Variants in HS3ST4 observed in about 807,000 individuals in gnomAD.
HS3ST4 encodes heparan sulfate-glucosamine 3-sulfotransferase 4, also known as heparan sulfate glucosamine 3-O-sulfotransferase 4.
HS3ST4 carries 17 observed loss-of-function variants against 29.2 expected under a neutral mutation model. That is an observed-to-expected ratio of 0.58 (90% CI 0.40 to 0.87). The LOEUF is 0.87. HS3ST4 is among the 40% of genes least tolerant of loss of function. The pLI is 0.00. For missense variants in HS3ST4, 627 were observed against 634.5 expected (o/e 0.99, Z 0.13); for synonymous variants, 314 against 285.7 (o/e 1.10, Z -1.00).
intron 1 of HS3ST4, among the ~76,000 whole-genome samples, chr16:25,834,901 C>T (rs146547694): frequency 0.022 from 3,327 of 152,112 alleles, 122 homozygotes; most frequent in African/African-American, 0.075. Context: ...GAGCTGAGAT[C>T]GCACCACTGC....
chr16:25,789,985 G>A (rs1966865284), intron 1 of HS3ST4, among the ~76,000 whole-genome samples: 1 of 152,146 alleles, frequency 6.6e-6, no homozygotes, highest in African/African-American at 2.4e-5. Context: ...TGCTTAGAAT[G>A]CTTCTAGGTT....
At chr16:25,877,387 C>G (rs1460199482) in intron 1 of HS3ST4, among the ~76,000 whole-genome samples, 1 of 152,148 alleles carries the variant, frequency 6.6e-6, no homozygotes, top group Non-Finnish European at 1.5e-5. Context: ...AGACACATAG[C>G]AAAGATTTTA....
At chr16:25,928,067 G>A (rs2141686101) in intron 1 of HS3ST4, among the ~76,000 whole-genome samples, 1 of 147,830 alleles carries the variant, frequency 6.8e-6, no homozygotes, top group Admixed American at 6.8e-5. Flanking sequence ...AAGGTAGCCA[G>A]GCATGCCGGT....
At chr16:25,743,480 G>T (rs1219681281) in intron 1 of HS3ST4, among the ~76,000 whole-genome samples, 1 of 152,070 alleles carries the variant, frequency 6.6e-6, no homozygotes, top group Non-Finnish European at 1.5e-5. Context: ...ATTGCATAAG[G>T]CAGCTTACTT....
At chr16:25,867,521 A>G (rs1967708601) in intron 1 of HS3ST4, among the ~76,000 whole-genome samples, 1 of 152,168 alleles carries the variant, frequency 6.6e-6, no homozygotes, top group Non-Finnish European at 1.5e-5. Context: ...AATGCCATCC[A>G]TCTGTTTTAA....
chr16:26,035,474 G>A (rs1332544449), intron 1 of HS3ST4, among the ~76,000 whole-genome samples: 2 of 152,164 alleles, frequency 1.3e-5, no homozygotes, highest in African/African-American at 4.8e-5. Context: ...GCTAAAGCTG[G>A]TTCTCTTTCA....
At chr16:26,101,870 C>A (rs1459983048) in intron 1 of HS3ST4, among the ~76,000 whole-genome samples, 1 of 152,090 alleles carries the variant, frequency 6.6e-6, no homozygotes, top group African/African-American at 2.4e-5. Context: ...CTCCCTTCCC[C>A]CATCTTCTCT....
intron 1 of HS3ST4, among the ~76,000 whole-genome samples, chr16:26,079,701 C>G (rs1056513811): frequency 6.6e-6 from 1 of 152,182 alleles, no homozygotes; most frequent in African/African-American, 2.4e-5. Flanking sequence ...GGCAGAACCT[C>G]TGCTGCTATA....
chr16:25,738,087 G>A (rs1157003379), intron 1 of HS3ST4, among the ~76,000 whole-genome samples: 1 of 152,082 alleles, frequency 6.6e-6, no homozygotes, highest in East Asian at 1.9e-4. Context: ...TGTATTTTTA[G>A]TAGAGATGGG....
chr16:25,862,356 CTAATTTTTG>C (rs1318983575), intron 1 of HS3ST4, among the ~76,000 whole-genome samples: 1 of 152,118 alleles, frequency 6.6e-6, no homozygotes, highest in Non-Finnish European at 1.5e-5. Context: ...CCATGCCTGG[CTAATTTTTG>C]TAGTTTTAGT....
chr16:25,852,358 T>C (rs1967530396), intron 1 of HS3ST4, among the ~76,000 whole-genome samples: 2 of 152,174 alleles, frequency 1.3e-5, no homozygotes, highest in African/African-American at 2.4e-5. Context: ...GTTTGTTACA[T>C]AGGTCAACGT....
intron 1 of HS3ST4, among the ~76,000 whole-genome samples, chr16:25,955,884 G>A (rs1221915888): frequency 2.7e-5 from 4 of 150,116 alleles, no homozygotes; most frequent in Non-Finnish European, 4.4e-5. Flanking sequence ...GTGCGATCTC[G>A]GCTCACTGCA....
intron 1 of HS3ST4, among the ~76,000 whole-genome samples, chr16:25,735,989 CTTTG>C (rs1966606662): frequency 6.6e-6 from 1 of 152,140 alleles, no homozygotes; most frequent in Admixed American, 6.5e-5. Flanking sequence ...GGATCAAATT[CTTTG>C]TTTATTATCT....
chr16:25,949,900 T>G (rs12920266), intron 1 of HS3ST4, among the ~76,000 whole-genome samples: 105,004 of 151,980 alleles, frequency 0.69, 36,660 homozygotes, highest in African/African-American at 0.78. Flanking sequence ...AAAAAATGGG[T>G]CCCAGAGGAT....
intron 1 of HS3ST4, among the ~76,000 whole-genome samples, chr16:25,838,904 A>C (rs1174563629): frequency 6.6e-6 from 1 of 152,146 alleles, no homozygotes; most frequent in Non-Finnish European, 1.5e-5. Flanking sequence ...CTTCCCTGCC[A>C]CTAGGTGTCA....
At chr16:25,917,027 A>G (rs1368698553) in intron 1 of HS3ST4, among the ~76,000 whole-genome samples, 2 of 152,098 alleles carry the variant, frequency 1.3e-5, no homozygotes, top group Admixed American at 6.5e-5. Context: ...CCACTTGTCA[A>G]TTGTATTACC....
At chr16:26,120,052 AGTGTGTGTGTGTGTGTGTATGTGT>A (rs1281089131) in intron 1 of HS3ST4, among the ~76,000 whole-genome samples, 1 of 131,450 alleles carries the variant, frequency 7.6e-6, no homozygotes, top group Non-Finnish European at 1.7e-5. Context: ...AGCTGAAGGA[AGTGTGTGTGTGTGTGTGTATGTGT>A]GTGTGTGTGT....
intron 1 of HS3ST4, among the ~76,000 whole-genome samples, chr16:25,980,731 A>C (rs1968995853): frequency 6.6e-6 from 1 of 152,200 alleles, no homozygotes; most frequent in South Asian, 2.1e-4. Context: ...AAACACAGAC[A>C]AGGAAATGAC....
intron 1 of HS3ST4, among the ~76,000 whole-genome samples, chr16:25,723,616 T>C (rs1413317672): frequency 2.0e-5 from 3 of 152,222 alleles, no homozygotes; most frequent in Non-Finnish European, 2.9e-5. Flanking sequence ...TCTGAAAGAA[T>C]GGATTTGTCC....
Sources: gnomAD v4.1 joint callset for allele counts (sites outside exome capture counted in the v4.1 genomes callset) on GRCh38, gnomAD v4.1.1 for gene constraint, MANE v1.5 for transcripts, NCBI Gene and HGNC (gene_info 2026-07-23, HGNC 2026-07-21) for gene names.